Variants in TARBP1 observed in about 807,000 individuals in gnomAD.
TARBP1 encodes tRNA (guanosine(18)-2'-O)-methyltransferase TARBP1.
In TARBP1, 144 loss-of-function variants were observed where a neutral mutation model predicts 178.6. The observed-to-expected ratio is 0.81, with a 90% CI of 0.70 to 0.93. The LOEUF is 0.93. Ranked by LOEUF, TARBP1 falls within the 40% of genes least tolerant of loss-of-function variation. The probability of loss-of-function intolerance (pLI) is 0.00; values close to 1 mark genes in which losing one functional copy is unlikely to be tolerated. For synonymous variants in TARBP1, 787 were observed against 781.0 expected (o/e 1.01, Z -0.13); for missense variants, 2,067 against 2,011.7 (o/e 1.03, Z -0.53).
intron 23 of TARBP1, 33 bp from the exon 24 acceptor site, chr1:234,406,132 C>T (rs1252879521): frequency 1.3e-6 from 2 of 1,595,248 alleles, no homozygotes; most frequent in African/African-American, 2.7e-5. Context: ...CCTCAAAACA[C>T]AGACATGGAC....
At chr1:234,418,266 A>C in intron 21 of TARBP1, 33 bp from the exon 22 acceptor site, 2 of 1,514,996 alleles carry the variant, frequency 1.3e-6, no homozygotes, top group Non-Finnish European at 8.8e-7. Context: ...AACCAGTTAC[A>C]GTTATTCATT....
intron 22 of TARBP1, 27 bp downstream of exon 22, chr1:234,418,057 A>AT: frequency 8.3e-7 from 1 of 1,198,562 alleles, no homozygotes; most frequent in South Asian, 2.0e-5. Context: ...TTAGTTTAAA[A>AT]ATATATAAAA....
intron 19 of TARBP1, among the ~76,000 whole-genome samples, chr1:234,426,639 T>A (rs1663808453): frequency 1.3e-5 from 2 of 152,220 alleles, no homozygotes; most frequent in Admixed American, 1.3e-4. Flanking sequence ...TACAATGCTA[T>A]TTTAATCATC....
chr1:234,460,459 C>T, intron 6 of TARBP1, 63 bp from the exon 7 acceptor site: 6 of 1,552,812 alleles, frequency 3.9e-6, no homozygotes, highest in Non-Finnish European at 5.3e-6. Flanking sequence ...AGCTCAATAC[C>T]ATTAGGTATT....
At chr1:234,407,435 T>C (rs924191809) in intron 23 of TARBP1, 4 of 151,808 alleles carry the variant, frequency 2.6e-5, no homozygotes, top group Non-Finnish European at 5.9e-5. Flanking sequence ...CCTCCCGGGT[T>C]CAAGTGATTC....
At chr1:234,418,804 T>C (rs981932312) in intron 21 of TARBP1, among the ~76,000 whole-genome samples, 2 of 152,196 alleles carry the variant, frequency 1.3e-5, no homozygotes, top group Non-Finnish European at 2.9e-5. Flanking sequence ...TCTTCAAAAC[T>C]GTATTTCTAT....
Position 234,478,712 on chromosome 1 carries a change from C to T in TARBP1, c.392G>A (p.Gly131Glu). The T allele has an allele frequency of 8.3e-7, 1 of 1,206,978 alleles. No homozygotes were observed. Among genetic ancestry groups the T allele is most frequent in the Non-Finnish European group, 1.0e-6 (1 of 972,392 alleles). The allele number at this position is 1,206,978 out of a possible 1,614,324, so 74.8% of individuals were successfully genotyped here. A position where few individuals can be genotyped will look rare whatever the true frequency, so the allele number is the denominator to read the frequency against. Reference protein sequence around the residue: ...AEEALRDLLAGWRAPGAEAAV... With the variant: ...AEEALRDLLAEWRAPGAEAAV... ...AGCCTCGGCGCCAGGCGCGCGCCAC[C>T]CGGCGAGCAGATCGCGCAGCGCCTC... The change falls in exon 1 of 30, where the codon GGG (glycine) becomes GAG (glutamate). Residue 131 changes from glycine (G) to glutamate (E), a missense_variant. Gly to Glu is a moderately conservative substitution (Grantham distance 98). Transcript: ENST00000040877.
At chr1:234,476,534 G>C (rs2103322365) in intron 1 of TARBP1, among the ~76,000 whole-genome samples, 1 of 152,296 alleles carries the variant, frequency 6.6e-6, no homozygotes, top group East Asian at 1.9e-4. Context: ...GTAGAGGAAA[G>C]ATTTAGTCAA....
intron 24 of TARBP1, among the ~76,000 whole-genome samples, chr1:234,402,753 T>C (rs1660825264): frequency 6.6e-6 from 1 of 151,984 alleles, no homozygotes; most frequent in African/African-American, 2.4e-5. Flanking sequence ...TTTTTTTTAT[T>C]ATTATTATTT....
chr1:234,458,018 AAAC>A (rs912267299), intron 8 of TARBP1, among the ~76,000 whole-genome samples: 3 of 152,010 alleles, frequency 2.0e-5, no homozygotes, highest in African/African-American at 7.2e-5. Context: ...AAAAAAAAAA[AAAC>A]ACCATTCTAT....
intron 28 of TARBP1, 138 bp from the exon 29 acceptor site, chr1:234,392,690 C>T (rs1276697001): frequency 4.4e-6 from 3 of 683,886 alleles, no homozygotes; most frequent in Admixed American, 3.4e-5. Context: ...TAAAAAAGAA[C>T]TCTCCCAACA....
chr1:234,467,467 C>A, intron 4 of TARBP1, 35 bp downstream of exon 4: 1 of 1,483,730 alleles, frequency 6.7e-7, no homozygotes. Context: ...CGCCTTTCAA[C>A]AATGGGAGCA....
At chr1:234,464,940 G>A (rs560978514) in intron 5 of TARBP1, among the ~76,000 whole-genome samples, 1 of 152,138 alleles carries the variant, frequency 6.6e-6, no homozygotes, top group Non-Finnish European at 1.5e-5. Context: ...TATAAGTAGA[G>A]ACAGGATGAA....
chr1:234,467,067 T>C (rs942307651), intron 4 of TARBP1, among the ~76,000 whole-genome samples: 4 of 152,304 alleles, frequency 2.6e-5, no homozygotes, highest in Middle Eastern at 3.4e-3. Flanking sequence ...CTAATAAATA[T>C]TGCTTAGAAG....
chr1:234,400,053 C>CA (rs1553273516), intron 25 of TARBP1, among the ~76,000 whole-genome samples: 44 of 142,146 alleles, frequency 3.1e-4, no homozygotes, highest in South Asian at 1.3e-3. Context: ...AAAATAAAAA[C>CA]AAAAAAAAAA....
chr1:234,450,331 T>C, intron 10 of TARBP1, 97 bp downstream of exon 10: 1 of 919,162 alleles, frequency 1.1e-6, no homozygotes, highest in East Asian at 2.9e-5. Flanking sequence ...AATCATCATA[T>C]ATTTCGTAAA....
At chr1:234,443,077 G>C (rs1017368824) in intron 12 of TARBP1, among the ~76,000 whole-genome samples, 2 of 152,096 alleles carry the variant, frequency 1.3e-5, no homozygotes, top group Non-Finnish European at 2.9e-5. Context: ...GATCAGCTAA[G>C]GTTGGGAGTT....
intron 22 of TARBP1, among the ~76,000 whole-genome samples, chr1:234,413,995 G>C (rs1002983348): frequency 6.6e-6 from 1 of 152,144 alleles, no homozygotes; most frequent in East Asian, 1.9e-4. Context: ...CAAGTTTGAG[G>C]GGAAAAATAA....
At chr1:234,395,268 T>TA (rs1011619875) in intron 26 of TARBP1, among the ~76,000 whole-genome samples, 8 of 152,274 alleles carry the variant, frequency 5.3e-5, no homozygotes, top group Admixed American at 4.6e-4. Context: ...TAAAAACCAT[T>TA]AAAAAATTTT....
Sources: allele counts gnomAD v4.1 joint callset (sites outside exome capture counted in the v4.1 genomes callset), GRCh38; gene constraint gnomAD v4.1.1; transcripts MANE v1.5; gene names NCBI Gene and HGNC (gene_info 2026-07-23, HGNC 2026-07-21).